CADPS: variants seen among roughly 807,000 people sequenced by gnomAD.
CADPS encodes calcium-dependent secretion activator 1.
CADPS carries 57 observed loss-of-function variants against 167.3 expected under a neutral mutation model. The observed-to-expected ratio is 0.34, with a 90% CI of 0.28 to 0.42. The LOEUF (loss-of-function observed/expected upper bound fraction) is 0.42. CADPS is among the 20% of genes least tolerant of loss of function. CADPS has a pLI of 1.00. For synonymous variants in CADPS, 676 were observed against 635.3 expected (o/e 1.06, Z -0.96); for missense variants, 1,414 against 1,738.1 (o/e 0.81, Z 3.32).
At chr3:62,671,600 T>C (rs943121771) in intron 3 of CADPS, among the ~76,000 whole-genome samples, 7 of 152,096 alleles carry the variant, frequency 4.6e-5, no homozygotes, top group African/African-American at 1.7e-4. Flanking sequence ...CAACCACCGA[T>C]TTCATATTCA....
chr3:62,659,132 A>G (rs1236969937), intron 4 of CADPS, among the ~76,000 whole-genome samples: 1 of 152,168 alleles, frequency 6.6e-6, no homozygotes, highest in Non-Finnish European at 1.5e-5. Context: ...ATGATGGATG[A>G]CATCTATATC....
intron 27 of CADPS, chr3:62,439,501 A>C (rs578207411): frequency 1.3e-5 from 2 of 152,192 alleles, no homozygotes; most frequent in South Asian, 4.1e-4. Context: ...CAGCGAATGG[A>C]TTGAGCAGGT....
chr3:62,803,737 A>G (rs1490230188), intron 1 of CADPS, among the ~76,000 whole-genome samples: 2 of 152,176 alleles, frequency 1.3e-5, no homozygotes, highest in Non-Finnish European at 2.9e-5. Flanking sequence ...AAATGTTAAC[A>G]GATAGTAAGT....
intron 5 of CADPS, among the ~76,000 whole-genome samples, chr3:62,649,699 C>T (rs13100180): frequency 0.11 from 16,220 of 150,772 alleles, 998 homozygotes; most frequent in African/African-American, 0.14. Context: ...GAGCTGCACA[C>T]CATCACACTC....
intron 1 of CADPS, among the ~76,000 whole-genome samples, chr3:62,783,215 G>T (rs1312064522): frequency 6.6e-6 from 1 of 152,014 alleles, no homozygotes; most frequent in Non-Finnish European, 1.5e-5. Flanking sequence ...AGTGATGTGT[G>T]TTCTCTCTGT....
chr3:62,405,136 T>TG (rs34330263), intron 28 of CADPS, among the ~76,000 whole-genome samples: 64 of 123,518 alleles, frequency 5.2e-4, no homozygotes, highest in South Asian at 1.5e-3. Flanking sequence ...ACATGTAATC[T>TG]GGGGGGGGGG....
At chr3:62,664,894 A>G (rs924186789) in intron 3 of CADPS, among the ~76,000 whole-genome samples, 1 of 152,238 alleles carries the variant, frequency 6.6e-6, no homozygotes, top group African/African-American at 2.4e-5. Context: ...CAAGGTCTAC[A>G]TTAAGCTTAA....
Position 62,647,791 on chromosome 3 carries a change from G to A in CADPS, c.1204-1948C>T, listed in dbSNP as rs574118330. Among the ~76,000 whole-genome samples the A allele has an allele frequency of 1.1e-4, 17 of 152,266 alleles. No individual in the cohort carries two copies. The East Asian group carries it at 1.7e-3, about 16-fold the overall frequency. Reference sequence around the variant, plus strand: ...GCATTTTCACAAGCTGTGTAATCACGTGCAGGTTTCTCAACCTCTCTGAGG... The same window carrying A: ...GCATTTTCACAAGCTGTGTAATCACATGCAGGTTTCTCAACCTCTCTGAGG... On this transcript the variant is annotated intron_variant, in intron 5 of 29. Coordinates refer to ENST00000383710, the MANE Select transcript of CADPS (RefSeq NM_003716.4).
intron 1 of CADPS, among the ~76,000 whole-genome samples, chr3:62,859,773 T>G (rs1212703549): frequency 6.6e-6 from 1 of 152,146 alleles, no homozygotes; most frequent in African/African-American, 2.4e-5. Flanking sequence ...CTGGAGCAAA[T>G]CATGTCCTTT....
intron 3 of CADPS, among the ~76,000 whole-genome samples, chr3:62,714,231 C>T (rs1383503784): frequency 6.6e-6 from 1 of 152,164 alleles, no homozygotes; most frequent in African/African-American, 2.4e-5. Context: ...ATTAATTTCT[C>T]TGTTACAAAG....
rs1172132606 is a variant in CADPS at position 62,516,185 on chromosome 3, T to G, written c.2458-3A>C. The G allele has an allele frequency of 6.2e-7, 1 of 1,612,698 alleles. No homozygotes were observed. Among genetic ancestry groups the G allele is most frequent in the Admixed American group, 1.7e-5 (1 of 59,924 alleles). Reference sequence around the variant, plus strand: ...GTAACAATATCTTTCATCAAAACCTTCAAGTAGGAAAAAGAGGGATTATTA... The same window carrying G: ...GTAACAATATCTTTCATCAAAACCTGCAAGTAGGAAAAAGAGGGATTATTA... On this transcript the variant is annotated splice_polypyrimidine_tract_variant and splice_region_variant and intron_variant, in intron 15 of 29. Coordinates refer to ENST00000383710, the MANE Select transcript of CADPS (RefSeq NM_003716.4).
chr3:62,660,055 G>A (rs1367984915), intron 4 of CADPS, among the ~76,000 whole-genome samples: 1 of 152,180 alleles, frequency 6.6e-6, no homozygotes, highest in African/African-American at 2.4e-5. Context: ...AATATTTAGT[G>A]GTGGGGGTTG....
chr3:62,848,436 C>T (rs1440269565), intron 1 of CADPS, among the ~76,000 whole-genome samples: 2 of 100,456 alleles, frequency 2.0e-5, no homozygotes, highest in African/African-American at 7.9e-5. Flanking sequence ...ATCTTTAATC[C>T]ATCTTGAATT....
chr3:62,774,368 C>G (rs1018135207), intron 1 of CADPS, among the ~76,000 whole-genome samples: 1 of 151,736 alleles, frequency 6.6e-6, no homozygotes, highest in Non-Finnish European at 1.5e-5. Context: ...GGTACTCAGG[C>G]AGTACTCACA....
chr3:62,486,688 G>C (rs915412995), intron 21 of CADPS, among the ~76,000 whole-genome samples: 1 of 152,156 alleles, frequency 6.6e-6, no homozygotes, highest in Admixed American at 6.5e-5. Context: ...CTTCACCCAG[G>C]AAAGAATTCA....
At chr3:62,417,190 G>A (rs946686556) in intron 28 of CADPS, among the ~76,000 whole-genome samples, 4 of 151,582 alleles carry the variant, frequency 2.6e-5, no homozygotes, top group Non-Finnish European at 4.4e-5. Flanking sequence ...CATATTAAAC[G>A]CTCTGAGAAG....
intron 3 of CADPS, among the ~76,000 whole-genome samples, chr3:62,716,053 A>AT (rs1358263120): frequency 7.7e-6 from 1 of 130,716 alleles, no homozygotes; most frequent in East Asian, 2.5e-4. Flanking sequence ...CCATAAATCT[A>AT]TTTTTTAAAA....
At chr3:62,407,745 C>CT (rs1479462686) in intron 28 of CADPS, among the ~76,000 whole-genome samples, 1 of 152,048 alleles carries the variant, frequency 6.6e-6, no homozygotes, top group Admixed American at 6.6e-5. Flanking sequence ...GTTTGTTTTT[C>CT]TTTTTTTGAG....
In CADPS at chr3:62,557,418, G is replaced by T. The variant is rs757658791; in HGVS notation, c.1740C>A (p.Thr580=). 4 of 1,613,066 alleles carry T rather than the reference G, an allele frequency of 2.5e-6. No homozygotes were observed. The highest frequency in any genetic ancestry group is 1.1e-5 in the South Asian group (1 of 91,054). ...LQLDGYTVDY[T]DPQPGLEGGR... Reference sequence around the variant, plus strand: ...GTCGGTGGGTACCTGGCTGGGGGTCGGTGTAATCCACAGTGTAGCCATCCA... The same window carrying T: ...GTCGGTGGGTACCTGGCTGGGGGTCTGTGTAATCCACAGTGTAGCCATCCA... Residue 580 remains threonine, a synonymous_variant, in exon 10 of 30, where the codon ACC becomes ACA. Transcript: ENST00000383710.
Sources: allele counts gnomAD v4.1 joint callset (sites outside exome capture counted in the v4.1 genomes callset), GRCh38; gene constraint gnomAD v4.1.1; transcripts MANE v1.5; gene names NCBI Gene and HGNC (gene_info 2026-07-23, HGNC 2026-07-21).